VSIG10: variants seen among roughly 807,000 people sequenced by gnomAD.
VSIG10 encodes the protein V-set and immunoglobulin domain-containing protein 10.
In VSIG10, 48 loss-of-function variants were observed where a neutral mutation model predicts 58.7. The observed-to-expected ratio is 0.82, with a 90% CI of 0.65 to 1.04. The LOEUF is 1.04. Ranked by LOEUF, VSIG10 falls within the 50% of genes least tolerant of loss-of-function variation. VSIG10 has a pLI of 0.00. For synonymous variants in VSIG10, 260 were observed against 267.1 expected, an observed-to-expected ratio of 0.97 and a Z score of 0.26; for missense variants, 628 against 670.0, an observed-to-expected ratio of 0.94 and a Z score of 0.69.
rs369958796 is a variant in VSIG10 at position 118,077,709 on chromosome 12, T to C, written c.925+1637A>G. ...GCTTGACTCACTCCATTTTGGATCA[T>C]TTGCTCTGAGGGAAGCCATCTGCCA... On this transcript the variant is annotated intron_variant, in intron 4 of 8. Transcript: ENST00000359236. Among the ~76,000 whole-genome samples the C allele has an allele frequency of 3.3e-4, 51 of 152,274 alleles. 1 individual carries two copies. The South Asian group carries it at 8.5e-3, about 25-fold the overall frequency.
chr12:118,075,927 G>A (rs1256658105), intron 4 of VSIG10, among the ~76,000 whole-genome samples: 1 of 152,176 alleles, frequency 6.6e-6, no homozygotes, highest in Non-Finnish European at 1.5e-5. Flanking sequence ...TTCCCAGAAT[G>A]AGGAGTTTTC....
Position 118,079,505 on chromosome 12 carries a change from A to T in VSIG10, c.766T>A (p.Phe256Ile). 2 of 1,614,038 alleles carry T rather than the reference A, an allele frequency of 1.2e-6. No individual in the cohort carries two copies. Among genetic ancestry groups the T allele is most frequent in the Non-Finnish European group, 1.7e-6 (2 of 1,179,892 alleles). ...RWDGGYPDPDFLWIEEPGGVI... is the reference protein window; with the variant it reads ...RWDGGYPDPDILWIEEPGGVI... ...CCTCCTGGCTCTTCTATCCACAGGA[A>T]GTCAGGGTCAGGGTATCCCCCATCC... Residue 256 changes from phenylalanine to isoleucine, a missense_variant, in exon 4 of 9, where the codon TTC becomes ATC. Coordinates refer to ENST00000359236, the MANE Select transcript of VSIG10 (RefSeq NM_019086.6).
chr12:118,100,230 C>T (rs1281698542), intron 1 of VSIG10, among the ~76,000 whole-genome samples: 1 of 151,892 alleles, frequency 6.6e-6, no homozygotes. Flanking sequence ...AATGGCCGGG[C>T]GTGGTGGCTC....
chr12:118,073,467 A>G (rs967495048), intron 5 of VSIG10, among the ~76,000 whole-genome samples: 2 of 152,126 alleles, frequency 1.3e-5, no homozygotes, highest in African/African-American at 2.4e-5. Context: ...CTAGATATCT[A>G]TTCGTTGGTG....
chr12:118,075,162 G>GTATA (rs113376533), intron 4 of VSIG10, among the ~76,000 whole-genome samples: 166 of 85,374 alleles, frequency 1.9e-3, no homozygotes, highest in Admixed American at 2.9e-3. Context: ...GTATATATAT[G>GTATA]TATATATATG....
chr12:118,095,193 G>A (rs907867019), intron 2 of VSIG10, among the ~76,000 whole-genome samples: 6 of 152,038 alleles, frequency 3.9e-5, no homozygotes, highest in East Asian at 3.9e-4. Flanking sequence ...GTAAGCCACC[G>A]CACCCGGCCG....
At chr12:118,087,537 T>C (rs1358105122) in intron 2 of VSIG10, among the ~76,000 whole-genome samples, 1 of 152,082 alleles carries the variant, frequency 6.6e-6, no homozygotes, top group African/African-American at 2.4e-5. Context: ...CAAATTGTTC[T>C]CCTTAAGAGA....
chr12:118,073,946 C>G lies in VSIG10; in HGVS notation c.972G>C (p.Gly324=). 6.2e-7 allele frequency: 1 copy of G among 1,603,056 alleles called. No individual in the cohort carries two copies. The highest frequency in any genetic ancestry group is 8.5e-7 in the Non-Finnish European group (1 of 1,173,342). Residue 324 remains glycine, a synonymous_variant, in exon 5 of 9, where the codon GGG becomes GGC. Coordinates refer to ENST00000359236, the MANE Select transcript of VSIG10 (RefSeq NM_019086.6). ...LSEPMKTCFT[G]GNVTLTCQVS... is the part of the protein sequence containing the mutation. ...CCTGGCATGTAAGCGTCACATTGCC[C>G]CCAGTGAAGCAAGTCTTCATGGGCT...
At chr12:118,087,077 GAA>G (rs112904270) in intron 2 of VSIG10, among the ~76,000 whole-genome samples, 3 of 104,094 alleles carry the variant, frequency 2.9e-5, no homozygotes, top group East Asian at 3.0e-4. Flanking sequence ...TTTAAAAATT[GAA>G]AAAAAAAAAA....
chr12:118,089,144 T>G (rs1351005248), intron 2 of VSIG10, among the ~76,000 whole-genome samples: 1 of 152,036 alleles, frequency 6.6e-6, no homozygotes, highest in African/African-American at 2.4e-5. Context: ...AGATGGAGTT[T>G]CACCATGTTG....
At position 118,066,245 on chromosome 12, in the gene VSIG10, C is replaced by CAAAAAAA. The variant is rs35019751; in HGVS notation, c.*387_*393dup. 1.7e-4 allele frequency: 7 copies of CAAAAAAA among 40,210 alleles called. 1 individual carries two copies. The highest frequency in any genetic ancestry group is 6.6e-4 in the South Asian group (1 of 1,512). 2.5% of individuals were successfully genotyped at this position (40,210 alleles called of 1,614,324 possible). ...TGGGCAATAGAGGGAGACTCCGTCT[C>CAAAAAAA]AAAAAAAAAAAAAAAAAAAAAAAAA... On this transcript the variant is annotated 3_prime_UTR_variant, in exon 9 of 9. Coordinates refer to ENST00000359236, the MANE Select transcript of VSIG10 (RefSeq NM_019086.6).
At chr12:118,094,797 T>C (rs201592639) in intron 2 of VSIG10, among the ~76,000 whole-genome samples, 9 of 151,460 alleles carry the variant, frequency 5.9e-5, no homozygotes, top group African/African-American at 2.2e-4. Flanking sequence ...AGTGCAGTAG[T>C]GCGATCTTGG....
At chr12:118,079,915 C>T (rs2032884580) in intron 3 of VSIG10, among the ~76,000 whole-genome samples, 1 of 152,312 alleles carries the variant, frequency 6.6e-6, no homozygotes, top group South Asian at 2.1e-4. Flanking sequence ...CTCACTGTAA[C>T]CTCGACCTCC....
At chr12:118,072,940 C>G (rs1039226547) in intron 5 of VSIG10, among the ~76,000 whole-genome samples, 1 of 152,104 alleles carries the variant, frequency 6.6e-6, no homozygotes, top group African/African-American at 2.4e-5. Flanking sequence ...TTTCTAAACT[C>G]AAATTTAAGC....
chr12:118,103,555 G>GA, intron 1 of VSIG10, 38 bp downstream of exon 1: 1 of 1,498,118 alleles, frequency 6.7e-7, no homozygotes, highest in South Asian at 1.2e-5. Flanking sequence ...CGCTGACTGG[G>GA]AAAACTCAAC....
chr12:118,092,534 C>T (rs1316258790), intron 2 of VSIG10, among the ~76,000 whole-genome samples: 2 of 152,018 alleles, frequency 1.3e-5, no homozygotes, highest in African/African-American at 2.4e-5. Flanking sequence ...TAGTTAGTAA[C>T]AAAGGTAGAG....
chr12:118,089,280 T>C (rs1306871246), intron 2 of VSIG10, among the ~76,000 whole-genome samples: 1 of 152,148 alleles, frequency 6.6e-6, no homozygotes, highest in Non-Finnish European at 1.5e-5. Flanking sequence ...AAGTTGCAAG[T>C]TCACGTTCAT....
chr12:118,082,356 C>G lies in VSIG10; in HGVS notation c.435G>C (p.Arg145Ser). ...TLPNGTLYAA[R>S]GSQVDFSCNS... The stretch of plus-strand genomic sequence containing the variant: ...TGCAGCTGAAGTCCACCTGGGAGCC[C>G]CTGGCTGCGTAGAGGGTGCCGTTGG... The change falls in exon 3 of 9, where the codon AGG becomes AGC. Residue 145 changes from arginine (R) to serine (S), a missense_variant. Transcript: ENST00000359236. 1 of 1,613,948 alleles carries G rather than the reference C, an allele frequency of 6.2e-7. No homozygotes were observed. Among genetic ancestry groups the G allele is most frequent in the East Asian group, 2.2e-5 (1 of 44,870 alleles).
chr12:118,066,243 C>A lies in VSIG10; in HGVS notation c.*396G>T, dbSNP rs2137820597. On this transcript the variant is annotated 3_prime_UTR_variant, in exon 9 of 9. Transcript: ENST00000359236. ...CCTGGGCAATAGAGGGAGACTCCGT[C>A]TCAAAAAAAAAAAAAAAAAAAAAAA... 1 of 76,616 alleles carries A rather than the reference C, an allele frequency of 1.3e-5. No homozygotes were observed. Among genetic ancestry groups the A allele is most frequent in the East Asian group, 4.0e-4 (1 of 2,502 alleles). 4.7% of individuals were successfully genotyped at this position (76,616 alleles called of 1,614,324 possible). A position where few individuals can be genotyped will look rare whatever the true frequency, so the allele number is the denominator to read the frequency against.
Sources: allele counts gnomAD v4.1 joint callset (sites outside exome capture counted in the v4.1 genomes callset), GRCh38; gene constraint gnomAD v4.1.1; transcripts MANE v1.5; gene names NCBI Gene and HGNC (gene_info 2026-07-23, HGNC 2026-07-21).